The following DOCK5 variants were observed in gnomAD, a reference collection of about 807,000 sequenced individuals.
DOCK5 encodes the protein dedicator of cytokinesis 5, also known as dedicator of cytokinesis protein 5.
A neutral mutation model predicts 251.8 loss-of-function variants in DOCK5; 142 were observed. The observed-to-expected ratio is 0.56, with a 90% CI of 0.49 to 0.65. The LOEUF (loss-of-function observed/expected upper bound fraction) is 0.65, where lower values mean the gene tolerates loss of function less well. DOCK5 is among the 30% of genes least tolerant of loss of function. The pLI, the probability that DOCK5 is intolerant of heterozygous loss-of-function variation, is 0.00. For missense variants in DOCK5, 2,111 were observed against 2,312.3 expected (o/e 0.91, Z 1.79); for synonymous variants, 842 against 835.5 (o/e 1.01, Z -0.13).
chr8:25,363,427 A>C (rs1447165447), intron 29 of DOCK5, among the ~76,000 whole-genome samples: 1 of 152,166 alleles, frequency 6.6e-6, no homozygotes, highest in African/African-American at 2.4e-5. Flanking sequence ...CCGTGGCTCC[A>C]CGTGGCCTGT....
intron 47 of DOCK5, among the ~76,000 whole-genome samples, chr8:25,402,363 C>A (rs557336615): frequency 6.6e-6 from 1 of 152,114 alleles, no homozygotes; most frequent in Admixed American, 6.6e-5. Flanking sequence ...GTGGCACGAT[C>A]TCAGCTCACT....
At chr8:25,332,424 A>G in intron 19 of DOCK5, 76 bp downstream of exon 19, 1 of 1,277,926 alleles carries the variant, frequency 7.8e-7, no homozygotes, top group East Asian at 2.5e-5. Context: ...TAATTGGTTC[A>G]CCATTTAAAA....
chr8:25,199,744 C>T (rs907825233), intron 1 of DOCK5, among the ~76,000 whole-genome samples: 1 of 152,194 alleles, frequency 6.6e-6, no homozygotes, highest in Non-Finnish European at 1.5e-5. Flanking sequence ...GGAGATGCAG[C>T]CTCTTCTCAT....
chr8:25,351,301 G>A (rs1056915032), intron 26 of DOCK5: 19 of 158,144 alleles, frequency 1.2e-4, no homozygotes, highest in African/African-American at 1.9e-4. Flanking sequence ...CTTGTAATCC[G>A]CCCGCCTCAG....
chr8:25,324,388 C>T (rs548115579), intron 17 of DOCK5, among the ~76,000 whole-genome samples: 10 of 152,326 alleles, frequency 6.6e-5, no homozygotes, highest in African/African-American at 2.4e-4. Flanking sequence ...GGCCTTATTT[C>T]CTTCCCTGAA....
At chr8:25,260,796 CTT>C (rs756698835) in intron 2 of DOCK5, among the ~76,000 whole-genome samples, 12 of 146,534 alleles carry the variant, frequency 8.2e-5, no homozygotes, top group African/African-American at 7.4e-5. Flanking sequence ...TTCTTTCTTT[CTT>C]TTTTTTTTTT....
intron 1 of DOCK5, among the ~76,000 whole-genome samples, chr8:25,202,384 C>T (rs1037744617): frequency 2.0e-5 from 3 of 152,124 alleles, no homozygotes; most frequent in African/African-American, 7.2e-5. Context: ...TGATCCTGTG[C>T]TTTTGGGGTG....
chr8:25,366,976 T>C lies in DOCK5; in HGVS notation c.3224+6T>C, dbSNP rs753899598. 5 of 1,611,622 alleles carry C rather than the reference T, an allele frequency of 3.1e-6. No individual in the cohort carries two copies. The African/African-American group carries it at 4.0e-5, about 13-fold the overall frequency. The stretch of plus-strand genomic sequence containing the variant: ...CGCAACAAAATTGTTAAAAAGTAAG[T>C]GTCCTTTTAAAGTTAAGATCGGGAA... On this transcript the variant is annotated splice_donor_region_variant and intron_variant, in intron 31 of 51. Transcript: ENST00000276440.
chr8:25,299,328 A>G (rs1804698666), intron 8 of DOCK5: 2 of 478,626 alleles, frequency 4.2e-6, no homozygotes, highest in Non-Finnish European at 7.3e-6. Flanking sequence ...GATCACATAA[A>G]ACTCATTAGG....
intron 30 of DOCK5, among the ~76,000 whole-genome samples, chr8:25,365,015 C>T (rs931947148): frequency 2.0e-5 from 3 of 152,162 alleles, no homozygotes; most frequent in Admixed American, 6.6e-5. Flanking sequence ...TGTATATTTA[C>T]ACAAATGCAC....
intron 1 of DOCK5, among the ~76,000 whole-genome samples, chr8:25,199,633 T>A (rs1166268027): frequency 6.6e-6 from 1 of 152,236 alleles, no homozygotes; most frequent in Non-Finnish European, 1.5e-5. Flanking sequence ...TCCTCCCGCC[T>A]TGGCCTCCCA....
intron 1 of DOCK5, among the ~76,000 whole-genome samples, chr8:25,232,266 TGCAA>T (rs762734386): frequency 0.32 from 47,865 of 151,898 alleles, 10,400 homozygotes; most frequent in African/African-American, 0.62. Flanking sequence ...GGGAGGATTC[TGCAA>T]TGCAGAATGC....
intron 9 of DOCK5, among the ~76,000 whole-genome samples, chr8:25,301,358 C>T (rs1046658264): frequency 2.0e-5 from 3 of 152,034 alleles, no homozygotes; most frequent in Non-Finnish European, 2.9e-5. Flanking sequence ...GCAGGGTGGA[C>T]GTTATCATTG....
At chr8:25,386,567 C>T (rs889702474) in intron 40 of DOCK5, among the ~76,000 whole-genome samples, 2 of 152,128 alleles carry the variant, frequency 1.3e-5, no homozygotes, top group African/African-American at 2.4e-5. Context: ...CACTGCACTC[C>T]AGCCTGGATG....
chr8:25,400,227 A>G (rs1363258581), intron 46 of DOCK5, among the ~76,000 whole-genome samples: 1 of 152,148 alleles, frequency 6.6e-6, no homozygotes, highest in Non-Finnish European at 1.5e-5. Context: ...GGCCGGGCCC[A>G]GTGGCTTATG....
intron 18 of DOCK5, among the ~76,000 whole-genome samples, chr8:25,331,077 C>T (rs184394104): frequency 2.0e-5 from 3 of 151,996 alleles, no homozygotes; most frequent in South Asian, 2.1e-4. Flanking sequence ...CTACTGCACC[C>T]CAGCCCGGGT....
At chr8:25,335,499 A>G (rs1805783123) in intron 21 of DOCK5, among the ~76,000 whole-genome samples, 1 of 151,286 alleles carries the variant, frequency 6.6e-6, no homozygotes, top group South Asian at 2.1e-4. Flanking sequence ...AAATAATAAT[A>G]ATAATAATAA....
intron 14 of DOCK5, 170 bp downstream of exon 14, chr8:25,317,301 A>G (rs901474818): frequency 2.1e-6 from 2 of 958,160 alleles, no homozygotes; most frequent in Middle Eastern, 3.6e-4. Context: ...AGTTTCACTA[A>G]GGAAGCTATC....
At chr8:25,269,862 A>AC (rs1229902387) in intron 3 of DOCK5, among the ~76,000 whole-genome samples, 5 of 152,128 alleles carry the variant, frequency 3.3e-5, no homozygotes, top group African/African-American at 7.2e-5. Context: ...ACAAAACCAG[A>AC]CCCACGGTTC....
Sources: allele counts gnomAD v4.1 joint callset (sites outside exome capture counted in the v4.1 genomes callset), GRCh38; gene constraint gnomAD v4.1.1; transcripts MANE v1.5; gene names NCBI Gene and HGNC (gene_info 2026-07-23, HGNC 2026-07-21).